The following TECTA variants were observed in gnomAD, a reference collection of about 807,000 sequenced individuals.
TECTA encodes the protein tectorin alpha, also known as alpha-tectorin.
In TECTA, 128 loss-of-function variants were observed where a neutral mutation model predicts 216.8. The ratio of observed to expected loss-of-function variants is 0.59; its 90% CI spans 0.51 to 0.68. The LOEUF (loss-of-function observed/expected upper bound fraction) is 0.68. Among genes scored for constraint, TECTA ranks in the 30% least tolerant of loss-of-function variants. The pLI is 0.00. For synonymous variants in TECTA, 1,089 were observed against 1,117.1 expected, an observed-to-expected ratio of 0.97 and a Z score of 0.50; for missense variants, 2,551 against 2,786.2, an observed-to-expected ratio of 0.92 and a Z score of 1.90.
chr11:121,179,354 T>C (rs985016608), intron 20 of TECTA, among the ~76,000 whole-genome samples: 32 of 152,304 alleles, frequency 2.1e-4, no homozygotes, highest in Admixed American at 2.0e-3. Flanking sequence ...AAAATTTCTC[T>C]TATTATTGAT....
intron 10 of TECTA, among the ~76,000 whole-genome samples, chr11:121,132,644 G>A (rs931857697): frequency 6.6e-6 from 1 of 152,110 alleles, no homozygotes; most frequent in African/African-American, 2.4e-5. Flanking sequence ...CTTTTTATCT[G>A]TTTCTGTCTC....
intron 12 of TECTA, among the ~76,000 whole-genome samples, chr11:121,147,570 T>C (rs751996528): frequency 3.3e-5 from 5 of 152,136 alleles, no homozygotes; most frequent in Non-Finnish European, 5.9e-5. Context: ...AAAGCTCGGG[T>C]CTGGATAAAT....
chr11:121,166,709 G>C lies in TECTA; in HGVS notation c.5515G>C (p.Gly1839Arg). The C allele has an allele frequency of 6.2e-7, 1 of 1,614,184 alleles. No individual in the cohort carries two copies. Among genetic ancestry groups the C allele is most frequent in the Non-Finnish European group, 8.5e-7 (1 of 1,180,040 alleles). The change falls in exon 18 of 24, where the codon GGC becomes CGC. Residue 1839 changes from glycine to arginine, a missense_variant. Around this residue, in one of 3 missense-constraint regions of TECTA, gnomAD observed 2,375 missense variants for 2,563.9 expected, o/e 0.93. Transcript: ENST00000392793. ...GAGGATCAATGACAGACAGTGCACC[G>C]GCATCGAGGGGGAAGATTTTATCTC... ...GVRINDRQCT[G>R]IEGEDFISFQ... is the part of the protein sequence containing the mutation.
intron 12 of TECTA, among the ~76,000 whole-genome samples, chr11:121,149,975 C>A (rs977421231): frequency 1.3e-5 from 2 of 152,172 alleles, no homozygotes. Context: ...TGGTGTTTAT[C>A]ATCTAGTTGG....
At chr11:121,140,722 CATA>C (rs1946776409) in intron 11 of TECTA, among the ~76,000 whole-genome samples, 1 of 152,148 alleles carries the variant, frequency 6.6e-6, no homozygotes, top group Non-Finnish European at 1.5e-5. Context: ...CTTGTGGCAG[CATA>C]AACTCCAGTC....
intron 11 of TECTA, among the ~76,000 whole-genome samples, chr11:121,142,385 G>C (rs1313098347): frequency 6.6e-6 from 1 of 152,140 alleles, no homozygotes; most frequent in Non-Finnish European, 1.5e-5. Context: ...CTCACAGAGA[G>C]AGAGGCAGGG....
chr11:121,176,256 T>C (rs1406091645), intron 20 of TECTA, among the ~76,000 whole-genome samples: 3 of 151,550 alleles, frequency 2.0e-5, no homozygotes, highest in Non-Finnish European at 4.4e-5. Context: ...ATTTTGCTCG[T>C]TAGTTGATGC....
At chr11:121,137,252 G>A (rs544754768) in intron 10 of TECTA, among the ~76,000 whole-genome samples, 169 bp from the exon 11 acceptor site, 48 of 151,396 alleles carry the variant, frequency 3.2e-4, no homozygotes, top group African/African-American at 6.5e-4. Context: ...ACACACGCAC[G>A]TGCACACACA....
Position 121,133,500 on chromosome 11 carries a change from G to A in TECTA, c.2941+3289G>A, listed in dbSNP as rs116752740. 8.9e-3 allele frequency among the ~76,000 whole-genome samples: 1,355 copies of A among 152,254 alleles called. 22 individuals are homozygous for A. The highest frequency in any genetic ancestry group is 0.031 in the African/African-American group (1,282 of 41,536). On this transcript the variant is annotated intron_variant, in intron 10 of 23. Transcript: ENST00000392793. Reference sequence around the variant, plus strand: ...GTACAGACCTAATTTAGAATCACACGTTGCATTTCATTGTCGTGTCTCTTT... The same window carrying A: ...GTACAGACCTAATTTAGAATCACACATTGCATTTCATTGTCGTGTCTCTTT...
rs769754853 is a variant in TECTA, at chr11:121,118,612, A to C, written c.1097A>C (p.Lys366Thr). Residue 366 changes from lysine (K) to threonine (T), a missense_variant, in exon 7 of 24, where the codon AAG becomes ACG. This residue lies in a region of TECTA where 2,375 missense variants were observed against 2,563.9 expected (regional missense o/e 0.93). Transcript: ENST00000392793. The stretch of plus-strand genomic sequence containing the variant: ...CTCCCTTTCTTCAGTGTGGAGGCCA[A>C]GAATGAACACCGCAGAGGTTCAGCC... Reference protein sequence around the residue: ...SSLPFFSVEAKNEHRRGSAVS... With the variant: ...SSLPFFSVEATNEHRRGSAVS... 6.2e-7 allele frequency: 1 copy of C among 1,614,192 alleles called. No individual in the cohort carries two copies. The highest frequency in any genetic ancestry group is 1.7e-5 in the Admixed American group (1 of 60,020).
intron 12 of TECTA, among the ~76,000 whole-genome samples, chr11:121,149,807 C>T (rs894979402): frequency 6.6e-6 from 1 of 152,204 alleles, no homozygotes; most frequent in South Asian, 2.1e-4. Flanking sequence ...CAGGTCATCA[C>T]GCCACAGCTC....
At chr11:121,124,750 G>A (rs543167623) in intron 7 of TECTA, among the ~76,000 whole-genome samples, 1 of 152,262 alleles carries the variant, frequency 6.6e-6, no homozygotes, top group South Asian at 2.1e-4. Context: ...GTTACATGAC[G>A]TAGTTCTGAT....
intron 20 of TECTA, among the ~76,000 whole-genome samples, chr11:121,180,409 G>A (rs1434163370): frequency 1.3e-5 from 2 of 151,962 alleles, no homozygotes; most frequent in Non-Finnish European, 2.9e-5. Context: ...TGATTAGCAG[G>A]TTTTTTTTAT....
At position 121,189,809 on chromosome 11, in the gene TECTA, C is replaced by T. The variant is rs149716373; in HGVS notation, c.6296C>T (p.Thr2099Met). 2.1e-5 allele frequency: 34 copies of T among 1,613,930 alleles called. No homozygotes were observed. The highest frequency in any genetic ancestry group is 1.7e-4 in the African/African-American group (13 of 75,000). The stretch of plus-strand genomic sequence containing the variant: ...AATGGAGGGTGTGAGCAGATTTGCA[C>T]GAGCCGGGTGGATGGGCCTCTCTGC... ...EDNGGCEQICTSRVDGPLCSC... is the reference protein window; with the variant it reads ...EDNGGCEQICMSRVDGPLCSC... The change falls in exon 23 of 24, where the codon ACG (threonine) becomes ATG (methionine). Residue 2099 changes from threonine (T) to methionine (M), a missense_variant. Thr to Met is a moderately conservative substitution (Grantham distance 81, BLOSUM62 -1). Around this residue, in one of 3 missense-constraint regions of TECTA, gnomAD observed 118 missense variants for 116.4 expected, o/e 1.01. Transcript: ENST00000392793.
At chr11:121,125,222 G>T (rs1311989669) in intron 7 of TECTA, 80 bp from the exon 8 acceptor site, 7 of 1,433,370 alleles carry the variant, frequency 4.9e-6, no homozygotes, top group Non-Finnish European at 6.8e-6. Flanking sequence ...GAGTTGCTTT[G>T]CCTTCCTTTC....
chr11:121,160,371 A>G lies in TECTA; in HGVS notation c.4926A>G (p.Val1642=). The G allele has an allele frequency of 6.2e-7, 1 of 1,613,636 alleles. No individual in the cohort carries two copies. The highest frequency in any genetic ancestry group is 1.1e-5 in the South Asian group (1 of 91,070). Residue 1642 remains valine (V), a synonymous_variant, in exon 15 of 24, where the codon GTA becomes GTG. Coordinates refer to ENST00000392793, the MANE Select transcript of TECTA (RefSeq NM_005422.4). ...DYVTLRGKPV[V]SSVVLAQSWK... ...TGACCTTGCGAGGGAAGCCGGTGGT[A>G]AGCAGCGTGGTGCTGGCCCAGAGCT...
Position 121,157,802 on chromosome 11 carries a change from C to T in TECTA, c.4306-39C>T, listed in dbSNP as rs1009843119. ...GGGCTTTCGGGTCCCCAGCCCTGAC[C>T]ACAGTCTGAATTTAATGCAAACGGC... On this transcript the variant is annotated intron_variant, in intron 13 of 23. Transcript: ENST00000392793. 1.9e-6 allele frequency: 3 copies of T among 1,612,376 alleles called. No individual in the cohort carries two copies. In the African/African-American group the frequency reaches 4.0e-5, roughly 22 times the overall value.
chr11:121,129,591 G>A (rs777040670), intron 9 of TECTA, 47 bp from the exon 10 acceptor site: 1 of 1,591,196 alleles, frequency 6.3e-7, no homozygotes, highest in South Asian at 1.1e-5. Context: ...GAAATGGAAA[G>A]TGCTCTGTGT....
chr11:121,143,130 G>A (rs1331303083), intron 11 of TECTA, among the ~76,000 whole-genome samples: 1 of 152,168 alleles, frequency 6.6e-6, no homozygotes, highest in Non-Finnish European at 1.5e-5. Flanking sequence ...GATTGCTGAT[G>A]TTTTTGTTTT....
Sources: allele counts gnomAD v4.1 joint callset (sites outside exome capture counted in the v4.1 genomes callset), GRCh38; gene constraint gnomAD v4.1.1; regional missense constraint gnomAD v4.1.1; transcripts MANE v1.5; gene names NCBI Gene and HGNC (gene_info 2026-07-23, HGNC 2026-07-21).